The following IQCK variants were observed in gnomAD, a reference collection of about 807,000 sequenced individuals.
The protein encoded by IQCK is IQ motif containing K.
A neutral mutation model predicts 28.1 loss-of-function variants in IQCK; 29 were observed. The ratio of observed to expected loss-of-function variants is 1.03; its 90% CI spans 0.77 to 1.41. IQCK has a LOEUF of 1.41. Ranked by LOEUF, IQCK falls within the 40% of genes most tolerant of loss-of-function variation. The pLI is 0.00. For missense variants in IQCK, 359 were observed against 314.7 expected, an observed-to-expected ratio of 1.14 and a Z score of -1.07; for synonymous variants, 113 against 115.1, an observed-to-expected ratio of 0.98 and a Z score of 0.12.
intron 1 of IQCK, among the ~76,000 whole-genome samples, chr16:19,723,110 T>G (rs1027829509): frequency 3.2e-5 from 1 of 31,548 alleles, no homozygotes; most frequent in Admixed American, 3.4e-4. Context: ...CTGCCCCCAC[T>G]CCCCACCCCC....
chr16:19,814,898 C>A (rs1344795198), intron 7 of IQCK, among the ~76,000 whole-genome samples: 4 of 151,336 alleles, frequency 2.6e-5, no homozygotes, highest in Non-Finnish European at 4.4e-5. Flanking sequence ...GCAATCCTGC[C>A]ACCTCAGCCT....
At chr16:19,838,725 T>C (rs2056327634) in intron 9 of IQCK, among the ~76,000 whole-genome samples, 1 of 152,066 alleles carries the variant, frequency 6.6e-6, no homozygotes. Context: ...TGAGTAGAAA[T>C]TATTATTGCC....
intron 4 of IQCK, among the ~76,000 whole-genome samples, chr16:19,757,293 G>A (rs189980317): frequency 3.2e-4 from 49 of 152,250 alleles, no homozygotes; most frequent in Non-Finnish European, 5.4e-4. Flanking sequence ...TCTCTTCTCA[G>A]CCTTCAGTCC....
chr16:19,735,558 T>A, intron 4 of IQCK, 108 bp downstream of exon 4: 1 of 898,858 alleles, frequency 1.1e-6, no homozygotes, highest in Non-Finnish European at 1.8e-6. Context: ...AGATGACCCC[T>A]TCGGGAGGGA....
chr16:19,839,439 G>T (rs538546233), intron 9 of IQCK, among the ~76,000 whole-genome samples: 10 of 152,078 alleles, frequency 6.6e-5, no homozygotes, highest in African/African-American at 2.4e-4. Context: ...GGGATTACAG[G>T]TGTGAGCCAC....
chr16:19,734,183 C>G (rs1977931305), intron 3 of IQCK: 1 of 171,810 alleles, frequency 5.8e-6, no homozygotes, highest in Non-Finnish European at 1.2e-5. Flanking sequence ...CCCATCTCTA[C>G]ATCTCTACAA....
chr16:19,857,402 G>A (rs1200220929), exon 10 of IQCK: 7 of 429,674 alleles, frequency 1.6e-5, no homozygotes, highest in Admixed American at 1.1e-4. Flanking sequence ...TTATATAGTC[G>A]TTTATGGTAC....
intron 6 of IQCK, among the ~76,000 whole-genome samples, chr16:19,776,737 C>T (rs1251347105): frequency 2.6e-5 from 4 of 152,072 alleles, no homozygotes; most frequent in East Asian, 1.9e-4. Flanking sequence ...AAACAAAAAA[C>T]GATCTGCCAC....
chr16:19,735,736 G>T (rs908262077), intron 4 of IQCK: 41 of 411,356 alleles, frequency 1.0e-4, no homozygotes, highest in Non-Finnish European at 1.2e-4. Context: ...GGTTTCTTGG[G>T]TCTTCAGCTT....
At chr16:19,741,930 T>C (rs1367969478) in intron 4 of IQCK, among the ~76,000 whole-genome samples, 1 of 152,160 alleles carries the variant, frequency 6.6e-6, no homozygotes, top group African/African-American at 2.4e-5. Context: ...GAGCTTGCAG[T>C]GAGCCAAGAT....
intron 1 of IQCK, 132 bp downstream of exon 1, chr16:19,718,619 T>G: frequency 1.2e-6 from 1 of 814,452 alleles, no homozygotes; most frequent in Non-Finnish European, 1.7e-6. Flanking sequence ...GGGCCCGGGC[T>G]CCGCATTTTA....
intron 7 of IQCK, among the ~76,000 whole-genome samples, chr16:19,801,300 C>T (rs77955718): frequency 2.9e-4 from 23 of 80,526 alleles, no homozygotes; most frequent in Admixed American, 4.0e-4. Flanking sequence ...CTCTCTCTCT[C>T]TCTTTTTTTT....
At chr16:19,813,203 A>G (rs565138718) in intron 7 of IQCK, among the ~76,000 whole-genome samples, 1 of 152,360 alleles carries the variant, frequency 6.6e-6, no homozygotes, top group East Asian at 1.9e-4. Flanking sequence ...AAAAGCAGTT[A>G]AGAGACAAGG....
rs558775906 is a variant in IQCK, at chr16:19,821,245, G to A, written c.691-5781G>A. Among the ~76,000 whole-genome samples the A allele has an allele frequency of 6.6e-5, 10 of 152,126 alleles. No individual in the cohort carries two copies. In the East Asian group the frequency reaches 1.2e-3, roughly 18 times the overall value. On this transcript the variant is annotated intron_variant, in intron 7 of 7. Transcript: ENST00000564186. ...TAAAATTAAAAATCAAAAATAACAC[G>A]TGTTGACAAGAATGTGGTTCAGTTA...
intron 4 of IQCK, among the ~76,000 whole-genome samples, chr16:19,753,184 G>A (rs1024626708): frequency 6.6e-6 from 1 of 151,798 alleles, no homozygotes; most frequent in Non-Finnish European, 1.5e-5. Flanking sequence ...GAGATGCCAA[G>A]GCAGAAGAAT....
At chr16:19,857,728 C>T (rs1351802359) in exon 10 of IQCK, 2 of 153,080 alleles carry the variant, frequency 1.3e-5, no homozygotes, top group Non-Finnish European at 2.8e-5. Flanking sequence ...TTCAGTGGGT[C>T]CTGACGGCAT....
At chr16:19,753,750 A>G (rs1473036189) in intron 4 of IQCK, among the ~76,000 whole-genome samples, 1 of 151,954 alleles carries the variant, frequency 6.6e-6, no homozygotes, top group Non-Finnish European at 1.5e-5. Context: ...GAACTCTGTG[A>G]TATAACTGAG....
intron 7 of IQCK, among the ~76,000 whole-genome samples, chr16:19,801,313 T>G (rs2055757398): frequency 8.3e-6 from 1 of 119,958 alleles, no homozygotes; most frequent in East Asian, 2.3e-4. Context: ...TTTTTTTTTT[T>G]TTTTTATGAG....
intron 4 of IQCK, among the ~76,000 whole-genome samples, chr16:19,759,440 C>T (rs2055104780): frequency 6.6e-6 from 1 of 152,072 alleles, no homozygotes; most frequent in African/African-American, 2.4e-5. Flanking sequence ...AACTCCTGAC[C>T]TCAGGTGATC....
Sources: gnomAD v4.1 joint callset for allele counts (sites outside exome capture counted in the v4.1 genomes callset) on GRCh38, gnomAD v4.1.1 for gene constraint, MANE v1.5 for transcripts, NCBI Gene and HGNC (gene_info 2026-07-23, HGNC 2026-07-21) for gene names.